The following PRKG1 variants were observed in gnomAD, a reference collection of about 807,000 sequenced individuals.
PRKG1 encodes the protein cGMP-dependent protein kinase 1.
Under a neutral mutation model 88.1 loss-of-function variants are expected in PRKG1, and 35 were observed. The ratio of observed to expected loss-of-function variants is 0.40; its 90% CI spans 0.30 to 0.53. The LOEUF (loss-of-function observed/expected upper bound fraction) is 0.53. Ranked by LOEUF, PRKG1 falls within the 20% of genes least tolerant of loss-of-function variation. The probability of loss-of-function intolerance (pLI) is 0.59; values close to 1 mark genes in which losing one functional copy is unlikely to be tolerated. For missense variants in PRKG1, 540 were observed against 839.8 expected (o/e 0.64, Z 4.41); for synonymous variants, 303 against 292.5 (o/e 1.04, Z -0.37).
At chr10:51,927,384 ACTGTGAGT>A (rs1184673595) in intron 5 of PRKG1, among the ~76,000 whole-genome samples, 2 of 152,150 alleles carry the variant, frequency 1.3e-5, no homozygotes, top group African/African-American at 2.4e-5. Context: ...GCCACATGGA[ACTGTGAGT>A]CCATTAACCT....
chr10:51,974,939 C>T (rs925497399), intron 5 of PRKG1, among the ~76,000 whole-genome samples: 8 of 151,870 alleles, frequency 5.3e-5, no homozygotes, highest in African/African-American at 1.9e-4. Flanking sequence ...TGCCCAACTA[C>T]GTAGAAAATG....
At chr10:51,880,511 T>C in intron 4 of PRKG1, among the ~76,000 whole-genome samples, 1 of 152,180 alleles carries the variant, frequency 6.6e-6, no homozygotes, top group Non-Finnish European at 1.5e-5. Context: ...ATCTTTCTGG[T>C]TTCCTGTGGG....
chr10:51,892,659 C>T (rs984576469), intron 4 of PRKG1, among the ~76,000 whole-genome samples: 13 of 152,162 alleles, frequency 8.5e-5, no homozygotes, highest in Non-Finnish European at 1.8e-4. Context: ...TCCCAAAGGG[C>T]GTTTGCTTGT....
chr10:52,100,589 A>G (rs1847273389), intron 7 of PRKG1, among the ~76,000 whole-genome samples: 1 of 152,188 alleles, frequency 6.6e-6, no homozygotes, highest in Admixed American at 6.5e-5. Flanking sequence ...GTTTTAATAA[A>G]CCTTGACAAC....
chr10:51,385,376 T>A (rs1478176697), intron 2 of PRKG1, among the ~76,000 whole-genome samples: 2 of 152,238 alleles, frequency 1.3e-5, no homozygotes, highest in African/African-American at 4.8e-5. Flanking sequence ...TGGTTGATAA[T>A]GCATACGTTA....
intron 3 of PRKG1, among the ~76,000 whole-genome samples, chr10:51,517,469 T>C (rs2132071669): frequency 6.6e-6 from 1 of 152,324 alleles, no homozygotes; most frequent in Admixed American, 6.5e-5. Context: ...GATCTGGGGA[T>C]TGCGGGACAG....
chr10:51,992,886 T>C (rs1439055057), intron 5 of PRKG1, among the ~76,000 whole-genome samples: 1 of 152,210 alleles, frequency 6.6e-6, no homozygotes, highest in Non-Finnish European at 1.5e-5. Flanking sequence ...AGTAGATATC[T>C]AGAGTGATCT....
chr10:51,407,171 A>G (rs1837944364), intron 2 of PRKG1, among the ~76,000 whole-genome samples: 2 of 152,182 alleles, frequency 1.3e-5, no homozygotes, highest in African/African-American at 4.8e-5. Flanking sequence ...AAACATACCC[A>G]GGATCAATAC....
At chr10:52,102,239 T>C (rs1163889841) in intron 7 of PRKG1, among the ~76,000 whole-genome samples, 1 of 152,042 alleles carries the variant, frequency 6.6e-6, no homozygotes, top group Non-Finnish European at 1.5e-5. Flanking sequence ...CAGAACCCCA[T>C]GAGTTCAACA....
At chr10:51,276,884 A>G (rs1439561067) in intron 2 of PRKG1, among the ~76,000 whole-genome samples, 2 of 152,248 alleles carry the variant, frequency 1.3e-5, no homozygotes, top group Admixed American at 6.5e-5. Context: ...TGAGCAGATC[A>G]CAAAAATTTT....
chr10:52,180,297 A>G (rs1309037922), intron 9 of PRKG1, among the ~76,000 whole-genome samples: 1 of 152,192 alleles, frequency 6.6e-6, no homozygotes, highest in East Asian at 1.9e-4. Context: ...TGAATTTCTC[A>G]TTCAAATCAT....
intron 3 of PRKG1, among the ~76,000 whole-genome samples, chr10:51,801,622 C>A (rs1029879657): frequency 2.6e-5 from 4 of 152,104 alleles, no homozygotes; most frequent in Non-Finnish European, 4.4e-5. Context: ...CAATATTCTT[C>A]CAGAATTTGA....
chr10:51,336,084 G>A (rs1410364919), intron 2 of PRKG1, among the ~76,000 whole-genome samples: 1 of 152,204 alleles, frequency 6.6e-6, no homozygotes, highest in Admixed American at 6.5e-5. Context: ...TAGGCATGGT[G>A]GCTCATGCCT....
chr10:51,577,136 A>G (rs1412511497), intron 3 of PRKG1, among the ~76,000 whole-genome samples: 1 of 151,996 alleles, frequency 6.6e-6, no homozygotes, highest in Non-Finnish European at 1.5e-5. Flanking sequence ...AAGTCACTTT[A>G]TCTAAAAGCT....
chr10:51,805,898 A>G (rs777529246), intron 4 of PRKG1, among the ~76,000 whole-genome samples: 21 of 152,100 alleles, frequency 1.4e-4, no homozygotes, highest in Non-Finnish European at 1.2e-4. Flanking sequence ...TTTTTTCCTC[A>G]ATGTGATTGG....
rs370002222 is a variant in PRKG1, at chr10:51,017,697, T to C, written c.266+26053T>C. On this transcript the variant is annotated intron_variant, in intron 1 of 17. Coordinates refer to the PRKG1 transcript ENST00000401604. ...TCTGTGATCTCCTACAATCTTTACA[T>C]TGGGATAGGTGTCATTTTAAATCAT... Among the ~76,000 whole-genome samples the C allele has an allele frequency of 4.0e-4, 61 of 152,258 alleles. 2 individuals carry two copies. The South Asian group carries it at 0.012, about 29-fold the overall frequency.
At chr10:51,960,032 T>C (rs1037294026) in intron 5 of PRKG1, among the ~76,000 whole-genome samples, 1 of 152,116 alleles carries the variant, frequency 6.6e-6, no homozygotes, top group Admixed American at 6.6e-5. Flanking sequence ...CTAGGATCCA[T>C]TACAGTGTTC....
At chr10:51,436,190 T>TTA (rs987943988) in intron 2 of PRKG1, among the ~76,000 whole-genome samples, 3 of 151,560 alleles carry the variant, frequency 2.0e-5, no homozygotes, top group African/African-American at 7.3e-5. Flanking sequence ...TTTTTTTTTT[T>TTA]AGCATAGTTC....
At chr10:51,458,131 A>G (rs1839639465) in intron 2 of PRKG1, among the ~76,000 whole-genome samples, 1 of 152,214 alleles carries the variant, frequency 6.6e-6, no homozygotes, top group African/African-American at 2.4e-5. Context: ...TCCTAACCTC[A>G]TAAAATGGGA....
Sources: gnomAD v4.1 joint callset for allele counts (sites outside exome capture counted in the v4.1 genomes callset) on GRCh38, gnomAD v4.1.1 for gene constraint, MANE v1.5 for transcripts, NCBI Gene and HGNC (gene_info 2026-07-23, HGNC 2026-07-21) for gene names.